The following TRPM6 variants were observed in gnomAD, a reference collection of about 807,000 sequenced individuals.
TRPM6 encodes transient receptor potential cation channel subfamily M member 6.
Under a neutral mutation model 247.6 loss-of-function variants are expected in TRPM6, and 111 were observed. The observed-to-expected ratio is 0.45, with a 90% CI of 0.38 to 0.52. The LOEUF is 0.52. Among genes scored for constraint, TRPM6 ranks in the 20% least tolerant of loss-of-function variants. The pLI is 0.00. For missense variants in TRPM6, 2,126 were observed against 2,421.5 expected, an observed-to-expected ratio of 0.88 and a Z score of 2.56; for synonymous variants, 892 against 853.8, an observed-to-expected ratio of 1.04 and a Z score of -0.78.
intron 14 of TRPM6, chr9:74,804,396 G>A (rs1033730801): frequency 1.0e-5 from 5 of 499,404 alleles, no homozygotes; most frequent in African/African-American, 7.8e-5. Context: ...CCATTAGCAG[G>A]AAGTTTTCAT....
chr9:74,802,594 A>C (rs2119008058), intron 15 of TRPM6, among the ~76,000 whole-genome samples: 1 of 152,336 alleles, frequency 6.6e-6, no homozygotes, highest in South Asian at 2.1e-4. Flanking sequence ...TAGTTTCTCA[A>C]GGAAATGGGT....
chr9:74,740,287 A>G (rs1162702705), intron 33 of TRPM6, among the ~76,000 whole-genome samples: 2 of 152,220 alleles, frequency 1.3e-5, no homozygotes, highest in African/African-American at 4.8e-5. Flanking sequence ...GGACAAAAAC[A>G]AAGTGGTAAG....
intron 27 of TRPM6, among the ~76,000 whole-genome samples, chr9:74,761,116 G>A (rs1336581593): frequency 6.6e-6 from 1 of 152,144 alleles, no homozygotes; most frequent in Non-Finnish European, 1.5e-5. Flanking sequence ...AACAAACTAA[G>A]ACAGTGAGGA....
intron 1 of TRPM6, among the ~76,000 whole-genome samples, chr9:74,876,233 G>T (rs752990320): frequency 6.6e-6 from 1 of 152,092 alleles, no homozygotes; most frequent in Non-Finnish European, 1.5e-5. Flanking sequence ...ACAGGCATGC[G>T]CCACCATGCC....
intron 37 of TRPM6, among the ~76,000 whole-genome samples, chr9:74,729,054 G>C (rs1366814265): frequency 6.6e-6 from 1 of 152,210 alleles, no homozygotes; most frequent in Non-Finnish European, 1.5e-5. Context: ...CAGATTCTAA[G>C]ATCAGTGTTC....
intron 36 of TRPM6, chr9:74,737,550 G>A: frequency 1.5e-6 from 1 of 662,254 alleles, no homozygotes; most frequent in South Asian, 1.6e-5. Flanking sequence ...AGAAATAAAA[G>A]AACAGTGAAA....
intron 1 of TRPM6, among the ~76,000 whole-genome samples, chr9:74,886,704 CT>C (rs1366096175): frequency 6.6e-6 from 1 of 152,088 alleles, no homozygotes; most frequent in Non-Finnish European, 1.5e-5. Flanking sequence ...CTCTTACAAC[CT>C]GCTAAATACG....
intron 27 of TRPM6, among the ~76,000 whole-genome samples, chr9:74,756,477 A>G (rs1826432169): frequency 1.3e-5 from 2 of 152,134 alleles, no homozygotes; most frequent in African/African-American, 4.8e-5. Context: ...GAAAATAAAA[A>G]CAACACATCA....
intron 7 of TRPM6, among the ~76,000 whole-genome samples, chr9:74,826,010 TAA>T (rs1281989568): frequency 1.3e-5 from 2 of 151,546 alleles, no homozygotes; most frequent in Non-Finnish European, 2.9e-5. Context: ...TTATTCACAC[TAA>T]GAGTTAAGTG....
chr9:74,784,107 T>C (rs1023195801), intron 21 of TRPM6, among the ~76,000 whole-genome samples: 2 of 151,850 alleles, frequency 1.3e-5, no homozygotes, highest in Non-Finnish European at 2.9e-5. Flanking sequence ...AAATAAAAAA[T>C]TAGCCGGGCA....
chr9:74,737,239 A>G (rs1177782701), intron 36 of TRPM6: 1 of 230,756 alleles, frequency 4.3e-6, no homozygotes, highest in African/African-American at 2.3e-5. Context: ...ATAAATCTGA[A>G]AGGACAGAAG....
intron 6 of TRPM6, among the ~76,000 whole-genome samples, chr9:74,829,744 A>G (rs1369872353): frequency 6.6e-6 from 1 of 152,210 alleles, no homozygotes; most frequent in Non-Finnish European, 1.5e-5. Context: ...TATTTATTTT[A>G]AAAAGATAAG....
At chr9:74,805,085 G>T (rs2119016367) in intron 14 of TRPM6, among the ~76,000 whole-genome samples, 1 of 152,288 alleles carries the variant, frequency 6.6e-6, no homozygotes, top group East Asian at 1.9e-4. Context: ...AATGAGCAAA[G>T]ACTGAATCAA....
intron 5 of TRPM6, among the ~76,000 whole-genome samples, chr9:74,839,560 A>C (rs1829844642): frequency 6.6e-6 from 1 of 152,138 alleles, no homozygotes; most frequent in Admixed American, 6.6e-5. Flanking sequence ...CACACACACT[A>C]TGCACTTGCA....
At chr9:74,836,683 C>T (rs1829734078) in intron 5 of TRPM6, among the ~76,000 whole-genome samples, 1 of 152,322 alleles carries the variant, frequency 6.6e-6, no homozygotes, top group Admixed American at 6.5e-5. Flanking sequence ...TTCAGGGCTC[C>T]TTGCTATGTA....
intron 12 of TRPM6, 95 bp downstream of exon 12, chr9:74,812,204 T>C: frequency 2.0e-6 from 3 of 1,534,198 alleles, no homozygotes; most frequent in Non-Finnish European, 2.7e-6. Context: ...TCTAATTTCC[T>C]CAGATAAGGA....
intron 5 of TRPM6, among the ~76,000 whole-genome samples, chr9:74,835,835 T>G (rs1829703565): frequency 6.6e-6 from 1 of 152,126 alleles, no homozygotes. Flanking sequence ...CAAAATTGAA[T>G]GAAAAGTACA....
At position 74,841,557 on chromosome 9, in the gene TRPM6, T is replaced by G. The variant is rs944659963; in HGVS notation, c.330+609A>C. 3.9e-5 allele frequency among the ~76,000 whole-genome samples: 6 copies of G among 152,080 alleles called. No individual in the cohort carries two copies. The South Asian group carries it at 1.0e-3, about 26-fold the overall frequency. On this transcript the variant is annotated intron_variant, in intron 4 of 38. Coordinates refer to ENST00000360774, the MANE Select transcript of TRPM6 (RefSeq NM_017662.5). Reference sequence around the variant, plus strand: ...TCTTATGCTGTCGCCCAGGCTGGAGTGCAGTGGTGCAATCTTGGCTCACTG... The same window carrying G: ...TCTTATGCTGTCGCCCAGGCTGGAGGGCAGTGGTGCAATCTTGGCTCACTG...
At chr9:74,833,953 C>T in intron 6 of TRPM6, 45 bp downstream of exon 6, 1 of 1,611,188 alleles carries the variant, frequency 6.2e-7, no homozygotes, top group Non-Finnish European at 8.5e-7. Flanking sequence ...TGGCAATTTG[C>T]ACACGTGTTC....
Sources: allele counts gnomAD v4.1 joint callset (sites outside exome capture counted in the v4.1 genomes callset), GRCh38; gene constraint gnomAD v4.1.1; transcripts MANE v1.5; gene names NCBI Gene and HGNC (gene_info 2026-07-23, HGNC 2026-07-21).